The following KLHL32 variants were observed in gnomAD, a reference collection of about 807,000 sequenced individuals.
The protein encoded by KLHL32 is kelch like family member 32.
A neutral mutation model predicts 64.8 loss-of-function variants in KLHL32; 35 were observed. The ratio of observed to expected loss-of-function variants is 0.54; its 90% CI spans 0.41 to 0.72. KLHL32 has a LOEUF of 0.72. KLHL32 is among the 30% of genes least tolerant of loss of function. KLHL32 has a pLI of 0.00. For synonymous variants in KLHL32, 259 were observed against 281.0 expected, an observed-to-expected ratio of 0.92 and a Z score of 0.78; for missense variants, 589 against 768.5, an observed-to-expected ratio of 0.77 and a Z score of 2.76.
chr6:96,931,178 G>A (rs1008970125), intron 1 of KLHL32, among the ~76,000 whole-genome samples: 7 of 152,074 alleles, frequency 4.6e-5, no homozygotes, highest in Non-Finnish European at 8.8e-5. Flanking sequence ...AAATCTTCCC[G>A]AACAGAATAC....
chr6:97,112,848 A>G (rs1352571064), intron 6 of KLHL32, among the ~76,000 whole-genome samples: 1 of 149,298 alleles, frequency 6.7e-6, no homozygotes, highest in Non-Finnish European at 1.5e-5. Flanking sequence ...TTTATTATTT[A>G]ATAATAAATA....
chr6:97,101,444 G>A (rs186801128), intron 6 of KLHL32, among the ~76,000 whole-genome samples: 33 of 152,250 alleles, frequency 2.2e-4, no homozygotes, highest in African/African-American at 5.1e-4. Flanking sequence ...AAATGAGAAC[G>A]TTGATATACA....
In KLHL32 at chr6:97,037,847, G is replaced by T. The variant is rs538428817; in HGVS notation, c.205-3645G>T. On this transcript the variant is annotated intron_variant, in intron 3 of 10. Transcript: ENST00000369261. ...ACACATAGATCAATGGAATAGAATA[G>T]GGAACCCAAATATAAGTCCACACAT... 5.9e-5 allele frequency among the ~76,000 whole-genome samples: 9 copies of T among 152,206 alleles called. No individual in the cohort carries two copies. The East Asian group carries it at 1.7e-3, about 29-fold the overall frequency.
intron 1 of KLHL32, among the ~76,000 whole-genome samples, chr6:96,934,779 C>T (rs1343388060): frequency 6.6e-6 from 1 of 152,144 alleles, no homozygotes; most frequent in Non-Finnish European, 1.5e-5. Context: ...AGATTTAGAG[C>T]ATTGATAGTG....
At chr6:97,090,008 C>T (rs9374345) in intron 6 of KLHL32, among the ~76,000 whole-genome samples, 9,120 of 152,070 alleles carry the variant, frequency 0.06, 342 homozygotes, top group South Asian at 0.13. Context: ...CAAGTTATGT[C>T]CTATTTTAGT....
chr6:97,052,193 A>C (rs1347577953), intron 4 of KLHL32, among the ~76,000 whole-genome samples: 1 of 152,238 alleles, frequency 6.6e-6, no homozygotes, highest in Non-Finnish European at 1.5e-5. Context: ...TCCAAAAGAC[A>C]TAATGAAGTA....
chr6:97,054,050 C>CA (rs1342242742), intron 4 of KLHL32, among the ~76,000 whole-genome samples: 3 of 151,956 alleles, frequency 2.0e-5, no homozygotes, highest in African/African-American at 7.3e-5. Context: ...TTGTATGAAG[C>CA]AGCAGTATAT....
intron 4 of KLHL32, among the ~76,000 whole-genome samples, chr6:97,051,063 A>G (rs1406498105): frequency 2.0e-5 from 3 of 152,320 alleles, no homozygotes; most frequent in East Asian, 3.9e-4. Flanking sequence ...TACAGCATTT[A>G]TAATCTTTTC....
At chr6:97,086,818 A>G (rs1030967371) in intron 6 of KLHL32, among the ~76,000 whole-genome samples, 3 of 152,234 alleles carry the variant, frequency 2.0e-5, no homozygotes, top group Admixed American at 6.5e-5. Context: ...ACTTTGGTCA[A>G]TTCAAAATGG....
chr6:97,060,068 C>A (rs1046451570), intron 4 of KLHL32, among the ~76,000 whole-genome samples: 3 of 152,134 alleles, frequency 2.0e-5, no homozygotes, highest in Admixed American at 6.5e-5. Flanking sequence ...TACTAAAGAC[C>A]TTAGTTGTCT....
At chr6:96,977,815 G>A (rs914393236) in intron 3 of KLHL32, among the ~76,000 whole-genome samples, 4 of 152,172 alleles carry the variant, frequency 2.6e-5, no homozygotes, top group Admixed American at 6.6e-5. Flanking sequence ...TAATGTAGAA[G>A]ATAAAGAGGT....
chr6:97,084,930 A>C (rs986974043), intron 5 of KLHL32, among the ~76,000 whole-genome samples, 196 bp from the exon 6 acceptor site: 4 of 152,196 alleles, frequency 2.6e-5, no homozygotes, highest in Non-Finnish European at 5.9e-5. Context: ...AAAATGAGGA[A>C]AAATTATGAA....
chr6:97,113,650 C>T (rs1467486937), intron 6 of KLHL32, 133 bp from the exon 7 acceptor site: 1 of 1,199,634 alleles, frequency 8.3e-7, no homozygotes, highest in African/African-American at 1.5e-5. Context: ...CAAAATATTC[C>T]AGTTATACTG....
chr6:96,987,280 T>C (rs1777229835), intron 3 of KLHL32, among the ~76,000 whole-genome samples: 1 of 152,202 alleles, frequency 6.6e-6, no homozygotes, highest in African/African-American at 2.4e-5. Context: ...CTTGCTTCTC[T>C]AGTTCTTTTA....
At chr6:97,003,349 G>A (rs916391350) in intron 3 of KLHL32, among the ~76,000 whole-genome samples, 5 of 141,410 alleles carry the variant, frequency 3.5e-5, no homozygotes, top group African/African-American at 1.4e-4. Context: ...GGGGTTATTT[G>A]TTTTTTGCTT....
At chr6:96,936,591 A>T (rs574768221) in intron 1 of KLHL32, among the ~76,000 whole-genome samples, 1 of 152,108 alleles carries the variant, frequency 6.6e-6, no homozygotes, top group Non-Finnish European at 1.5e-5. Flanking sequence ...ACTTCCCACT[A>T]CCATTCTTGT....
intron 6 of KLHL32, among the ~76,000 whole-genome samples, chr6:97,107,016 A>G (rs11963592): frequency 0.054 from 8,269 of 151,982 alleles, 754 homozygotes; most frequent in African/African-American, 0.19. Flanking sequence ...TTTTGGGCTG[A>G]GCGCGGTGGC....
intron 4 of KLHL32, among the ~76,000 whole-genome samples, chr6:97,063,436 T>C (rs1789231323): frequency 6.6e-6 from 1 of 151,740 alleles, no homozygotes; most frequent in African/African-American, 2.4e-5. Flanking sequence ...GCAGAAGGGG[T>C]TGGGATCAAG....
chr6:96,996,828 T>C (rs1027936320), intron 3 of KLHL32, among the ~76,000 whole-genome samples: 1 of 152,156 alleles, frequency 6.6e-6, no homozygotes, highest in Non-Finnish European at 1.5e-5. Context: ...GTAAGATGGG[T>C]ATTACTGTCA....
Sources: allele counts gnomAD v4.1 joint callset (sites outside exome capture counted in the v4.1 genomes callset), GRCh38; gene constraint gnomAD v4.1.1; transcripts MANE v1.5; gene names NCBI Gene and HGNC (gene_info 2026-07-23, HGNC 2026-07-21).